Variants in PACS2 observed in about 807,000 individuals in gnomAD.
The protein encoded by PACS2 is PACS1-like protein.
PACS2 carries 36 observed loss-of-function variants against 113.0 expected under a neutral mutation model. That is an observed-to-expected ratio of 0.32 (90% CI 0.24 to 0.42). The LOEUF (loss-of-function observed/expected upper bound fraction) is 0.42, where lower values mean the gene tolerates loss of function less well. PACS2 is among the 10% of genes least tolerant of loss of function. The probability of loss-of-function intolerance (pLI) is 1.00; values close to 1 mark genes in which losing one functional copy is unlikely to be tolerated. For missense variants in PACS2, 1,015 were observed against 1,239.5 expected, an observed-to-expected ratio of 0.82 and a Z score of 2.72; for synonymous variants, 589 against 536.1, an observed-to-expected ratio of 1.10 and a Z score of -1.36.
At chr14:105,347,265 G>A (rs1205598684) in intron 1 of PACS2, among the ~76,000 whole-genome samples, 1 of 151,816 alleles carries the variant, frequency 6.6e-6, no homozygotes, top group African/African-American at 2.4e-5. Flanking sequence ...GTGATGTCCT[G>A]AGGCCGCCCA....
chr14:105,369,924 C>A lies in PACS2; in HGVS notation c.801+24C>A. On this transcript the variant is annotated intron_variant, in intron 8 of 24. Transcript: ENST00000447393. The stretch of plus-strand genomic sequence containing the variant: ...AGGTGAGTGCGCCGCGCCTTCTGCT[C>A]GCGGCCCCCACGCCTGCAACAGCAC... 4 of 1,588,214 alleles carry A rather than the reference C, an allele frequency of 2.5e-6. No individual in the cohort carries two copies. In the South Asian group the frequency reaches 3.4e-5, roughly 13 times the overall value.
intron 16 of PACS2, 129 bp downstream of exon 16, chr14:105,383,642 CGGTGTGGCAT>C: frequency 1.2e-6 from 1 of 814,250 alleles, no homozygotes; most frequent in Non-Finnish European, 1.9e-6. Context: ...TGGTGTGGCG[CGGTGTGGCAT>C]GGCGTGGTGT....
At chr14:105,353,958 TC>T (rs2060331581) in intron 3 of PACS2, among the ~76,000 whole-genome samples, 1 of 147,442 alleles carries the variant, frequency 6.8e-6, no homozygotes, top group South Asian at 2.4e-4. Context: ...ATGCCTGTAA[TC>T]CCAGCACTTC....
intron 4 of PACS2, among the ~76,000 whole-genome samples, chr14:105,360,906 C>T (rs2060655867): frequency 6.6e-6 from 1 of 152,166 alleles, no homozygotes; most frequent in South Asian, 2.1e-4. Context: ...AGCATCCTCA[C>T]CAGGAGCAGA....
intron 18 of PACS2, 71 bp downstream of exon 18, chr14:105,385,058 C>T (rs1595165411): frequency 2.0e-6 from 2 of 985,196 alleles, no homozygotes; most frequent in East Asian, 5.2e-5. Context: ...GCCTCCCCAC[C>T]CGCTGCTGGG....
At chr14:105,385,154 G>A (rs2081131989) in intron 18 of PACS2, among the ~76,000 whole-genome samples, 167 bp downstream of exon 18, 1 of 152,220 alleles carries the variant, frequency 6.6e-6, no homozygotes, top group South Asian at 2.1e-4. Flanking sequence ...CCTGACAGCA[G>A]GTGCTTCCCC....
chr14:105,362,278 C>CGTGGTGGCAGGT (rs1418120618), intron 4 of PACS2, among the ~76,000 whole-genome samples: 1 of 137,082 alleles, frequency 7.3e-6, no homozygotes, highest in African/African-American at 2.8e-5. Flanking sequence ...ATTAGCTGGG[C>CGTGGTGGCAGGT]GTGGTGGCGG....
intron 19 of PACS2, 92 bp from the exon 20 acceptor site, chr14:105,389,869 C>T: frequency 2.5e-6 from 3 of 1,182,010 alleles, no homozygotes; most frequent in Non-Finnish European, 3.8e-6. Context: ...GGCCCCAGGG[C>T]TGCGCCAGGT....
At chr14:105,359,698 T>C (rs587753243) in intron 4 of PACS2, among the ~76,000 whole-genome samples, 38 of 151,578 alleles carry the variant, frequency 2.5e-4, no homozygotes, top group African/African-American at 9.2e-4. Context: ...TTCACGCCAT[T>C]CTCCTGCCTC....
rs782123489 is a variant in PACS2 at position 105,383,557 on chromosome 14, G to A, written c.1780+44G>A. The A allele has an allele frequency of 6.0e-5, 92 of 1,536,234 alleles. 1 individual carries two copies. The South Asian group carries it at 7.1e-4, about 12-fold the overall frequency. ...ACCTGGGCCTGGGCACAGATGCCACGGGCAGTGTGGCGTGGCATGGAGTGG... is the reference window on the plus strand; with the variant it reads ...ACCTGGGCCTGGGCACAGATGCCACAGGCAGTGTGGCGTGGCATGGAGTGG... On this transcript the variant is annotated intron_variant, in intron 16 of 24. Transcript: ENST00000447393.
chr14:105,391,999 A>G, intron 22 of PACS2: 1 of 548,492 alleles, frequency 1.8e-6, no homozygotes. Context: ...GTGAATAAAC[A>G]TGGGCGTTGT....
intron 18 of PACS2, 113 bp downstream of exon 18, chr14:105,385,100 G>A (rs1303412439): frequency 3.2e-5 from 23 of 730,144 alleles, no homozygotes; most frequent in Non-Finnish European, 3.4e-5. Context: ...GCCCTGCACC[G>A]GGCTTAGACC....
intron 21 of PACS2, 101 bp from the exon 22 acceptor site, chr14:105,391,530 C>CCCCCCG: frequency 1.1e-6 from 1 of 885,888 alleles, no homozygotes; most frequent in Non-Finnish European, 1.7e-6. Flanking sequence ...TGCCCACCCC[C>CCCCCCG]AGGAGCTGCC....
chr14:105,376,764 G>T lies in PACS2; in HGVS notation c.802-4G>T. ...GAACTCACGCGTGCCTGGCACCCGT[G>T]CAGGTCCTGGACTCGGAGCAGGACC... On this transcript the variant is annotated splice_region_variant and splice_polypyrimidine_tract_variant and intron_variant, in intron 8 of 24. Coordinates refer to ENST00000447393, the MANE Select transcript of PACS2 (RefSeq NM_001100913.3). The surrounding 1 kb of genome is among the most constrained non-coding windows in gnomAD (Gnocchi z 4.7). 1 of 1,611,968 alleles carries T rather than the reference G, an allele frequency of 6.2e-7. No homozygotes were observed. Among genetic ancestry groups the T allele is most frequent in the Non-Finnish European group, 8.5e-7 (1 of 1,179,230 alleles).
At chr14:105,370,141 A>T in intron 8 of PACS2, 2 of 446,948 alleles carry the variant, frequency 4.5e-6, no homozygotes, top group Non-Finnish European at 8.0e-6. Context: ...TCGGAAAGTC[A>T]TTTTCAGGGG....
intron 1 of PACS2, among the ~76,000 whole-genome samples, chr14:105,307,028 A>G (rs1372519203): frequency 6.6e-6 from 1 of 150,984 alleles, no homozygotes; most frequent in Admixed American, 6.6e-5. Flanking sequence ...AGTATGCCTT[A>G]TTTACTTTAT....
At chr14:105,390,400 T>C in intron 20 of PACS2, 1 of 264,192 alleles carries the variant, frequency 3.8e-6, no homozygotes, top group Non-Finnish European at 7.6e-6. Flanking sequence ...GGCTGCAGCC[T>C]GCAGTGTGTG....
intron 1 of PACS2, among the ~76,000 whole-genome samples, chr14:105,342,397 A>G (rs587669050): frequency 1.3e-5 from 2 of 152,036 alleles, no homozygotes; most frequent in East Asian, 3.9e-4. Flanking sequence ...CCTCCCAAGT[A>G]GCTGGGACTG....
At position 105,358,336 on chromosome 14, in the gene PACS2, C is replaced by G. The variant is rs147235015; in HGVS notation, c.423+3159C>G. Among the ~76,000 whole-genome samples, 63 of 152,328 alleles carry G rather than the reference C, an allele frequency of 4.1e-4. 1 individual carries two copies. The East Asian group carries it at 0.012, about 28-fold the overall frequency. On this transcript the variant is annotated intron_variant, in intron 4 of 24. Coordinates refer to ENST00000447393, the MANE Select transcript of PACS2 (RefSeq NM_001100913.3). The surrounding 1 kb of genome is among the most constrained non-coding windows in gnomAD (Gnocchi z 4.9). ...CCGCAGCCCCAGGGCCTGCTGGGCA[C>G]GCGCCTCTGCCTGCCACTTCTCAGG...
Sources: allele counts gnomAD v4.1 joint callset (sites outside exome capture counted in the v4.1 genomes callset), GRCh38; gene constraint gnomAD v4.1.1; non-coding constraint Gnocchi (gnomAD v3.1); transcripts MANE v1.5; gene names NCBI Gene and HGNC (gene_info 2026-07-23, HGNC 2026-07-21).